NFATC2: variants seen among roughly 807,000 people sequenced by gnomAD.
NFATC2 encodes the protein nuclear factor of activated T-cells, cytoplasmic 2.
A neutral mutation model predicts 87.3 loss-of-function variants in NFATC2; 22 were observed. That is an observed-to-expected ratio of 0.25 (90% CI 0.18 to 0.36). NFATC2 has a LOEUF of 0.36. Among genes scored for constraint, NFATC2 ranks in the 10% least tolerant of loss-of-function variants. The pLI, the probability that NFATC2 is intolerant of heterozygous loss-of-function variation, is 1.00. For synonymous variants in NFATC2, 565 were observed against 542.2 expected, an observed-to-expected ratio of 1.04 and a Z score of -0.58; for missense variants, 1,149 against 1,259.1, an observed-to-expected ratio of 0.91 and a Z score of 1.32.
At chr20:51,494,296 G>A (rs188932773) in intron 3 of NFATC2, among the ~76,000 whole-genome samples, 166 of 152,190 alleles carry the variant, frequency 1.1e-3, no homozygotes, top group Non-Finnish European at 1.9e-3. Flanking sequence ...GGCACAGGGC[G>A]GGTGCCACTG....
At chr20:51,561,476 A>AAAGC (rs1481300834) in intron 1 of NFATC2, among the ~76,000 whole-genome samples, 1 of 132,030 alleles carries the variant, frequency 7.6e-6, no homozygotes, top group Admixed American at 7.9e-5. Context: ...AGAAAGAAAG[A>AAAGC]AAGAAAGAAA....
At chr20:51,528,289 A>G (rs1467434812) in intron 1 of NFATC2, among the ~76,000 whole-genome samples, 1 of 152,192 alleles carries the variant, frequency 6.6e-6, no homozygotes, top group Non-Finnish European at 1.5e-5. Flanking sequence ...GGCCTGAAGA[A>G]GTTCTTTATG....
At chr20:51,537,847 A>G (rs2076745367) in intron 1 of NFATC2, among the ~76,000 whole-genome samples, 1 of 152,246 alleles carries the variant, frequency 6.6e-6, no homozygotes, top group African/African-American at 2.4e-5. Flanking sequence ...AAAGAAAATT[A>G]AGAGTCTTCT....
chr20:51,503,140 G>A (rs7262767), intron 3 of NFATC2, among the ~76,000 whole-genome samples: 1,573 of 152,214 alleles, frequency 0.01, 19 homozygotes, highest in African/African-American at 0.036. Flanking sequence ...AATGGCACTG[G>A]GGCTTAGGAA....
chr20:51,443,634 C>T (rs1984661742), intron 6 of NFATC2, among the ~76,000 whole-genome samples: 1 of 152,136 alleles, frequency 6.6e-6, no homozygotes, highest in Non-Finnish European at 1.5e-5. Context: ...CCGTATAATC[C>T]ACCTCCCAAC....
intron 3 of NFATC2, among the ~76,000 whole-genome samples, chr20:51,504,917 G>A (rs1044449171): frequency 2.7e-5 from 4 of 150,882 alleles, no homozygotes; most frequent in East Asian, 1.9e-4. Context: ...GTGTGCAGGC[G>A]CAGGGGAAAA....
chr20:51,401,461 C>A (rs1330447572), intron 9 of NFATC2, among the ~76,000 whole-genome samples: 1 of 152,190 alleles, frequency 6.6e-6, no homozygotes, highest in Non-Finnish European at 1.5e-5. Flanking sequence ...GAGGCCATTC[C>A]AATAACCAAG....
chr20:51,425,643 G>A (rs982776813), intron 9 of NFATC2, among the ~76,000 whole-genome samples: 6 of 152,248 alleles, frequency 3.9e-5, no homozygotes, highest in East Asian at 1.9e-4. Context: ...CAGGCTTGCC[G>A]TGGGCACTGA....
intron 10 of NFATC2, among the ~76,000 whole-genome samples, chr20:51,395,623 G>GC (rs1986958203): frequency 1.3e-5 from 1 of 77,286 alleles, no homozygotes. Context: ...CTAAAAGACT[G>GC]ATGGAGAATG....
intron 9 of NFATC2, among the ~76,000 whole-genome samples, chr20:51,427,211 T>C (rs1323766114): frequency 2.0e-5 from 3 of 152,100 alleles, no homozygotes; most frequent in Non-Finnish European, 2.9e-5. Flanking sequence ...GGTGGTGAGA[T>C]GGCCCGATGA....
chr20:51,480,555 G>A lies in NFATC2; in HGVS notation c.1333-4895C>T, dbSNP rs187451317. The stretch of plus-strand genomic sequence containing the variant: ...TGGCACTGGTGAGGGTCCCTTCCCC[G>A]CCTCCCCGGGTAACACCAGAAAGCA... On this transcript the variant is annotated intron_variant, in intron 3 of 10. Coordinates refer to ENST00000371564, the MANE Select transcript of NFATC2 (RefSeq NM_012340.5). The surrounding 1 kb of genome is among the most constrained non-coding windows in gnomAD (Gnocchi z 4.2). Among the ~76,000 whole-genome samples the A allele has an allele frequency of 7.8e-4, 118 of 152,224 alleles. No homozygotes were observed. The highest frequency in any genetic ancestry group is 5.7e-4 in the Non-Finnish European group (39 of 68,006).
chr20:51,437,289 A>T (rs1983728113), intron 6 of NFATC2, among the ~76,000 whole-genome samples: 1 of 152,176 alleles, frequency 6.6e-6, no homozygotes, highest in Non-Finnish European at 1.5e-5. Flanking sequence ...AGGGGGAAAA[A>T]TCTACATGCT....
chr20:51,523,223 C>T lies in NFATC2; in HGVS notation c.1018G>A (p.Gly340Ser), dbSNP rs771568654. Reference protein sequence around the residue: ...SPVSAAPSKAGLPRHIYPAVE... With the variant: ...SPVSAAPSKASLPRHIYPAVE... ...GCCGGGTAGATGTGGCGAGGCAGGC[C>T]GGCCTTGGATGGGGCGGCAGACACC... The change falls in exon 2 of 11, where the codon GGC (glycine) becomes AGC (serine). Residue 340 changes from glycine (G) to serine (S), a missense_variant. This residue lies in a region of NFATC2 where 563 missense variants were observed against 585.2 expected (regional missense o/e 0.96). Coordinates refer to ENST00000371564, the MANE Select transcript of NFATC2 (RefSeq NM_012340.5). This position sits in a 1 kb window ranked among gnomAD's most constrained non-coding sequence, Gnocchi z 6.9. The T allele has an allele frequency of 2.5e-6, 4 of 1,613,672 alleles. No homozygotes were observed. The highest frequency in any genetic ancestry group is 2.7e-5 in the African/African-American group (2 of 74,920).
At chr20:51,562,690 A>G, upstream of NFATC2, 1 of 1,470,494 alleles carries the variant, frequency 6.8e-7, no homozygotes, top group South Asian at 1.2e-5. The surrounding 1 kb of genome is among the most constrained non-coding windows in gnomAD (Gnocchi z 5.8). Context: ...ATCGACCAGC[A>G]GCCGAGGGGA....
chr20:51,449,196 C>T (rs1985463649), intron 6 of NFATC2, among the ~76,000 whole-genome samples: 1 of 152,166 alleles, frequency 6.6e-6, no homozygotes, highest in South Asian at 2.1e-4. Context: ...CCGCAGAGCC[C>T]TTGCTGGCCA....
At chr20:51,450,437 TTCACTATGTTGAAC>T (rs1334921208) in intron 6 of NFATC2, among the ~76,000 whole-genome samples, 2 of 151,856 alleles carry the variant, frequency 1.3e-5, no homozygotes, top group African/African-American at 4.8e-5. Context: ...GTCACTGGAG[TTCACTATGTTGAAC>T]TCACTATGTT....
rs77972526 is a variant in NFATC2, at chr20:51,438,429, T to C, written c.1850-2668A>G. Among the ~76,000 whole-genome samples, 420 of 136,866 alleles carry C rather than the reference T, an allele frequency of 3.1e-3. 3 individuals are homozygous for C. The highest frequency in any genetic ancestry group is 0.011 in the African/African-American group (401 of 35,806). 89.8% of individuals were successfully genotyped at this position (136,866 alleles called of 152,430 possible). A position where few individuals can be genotyped will look rare whatever the true frequency, so the allele number is the denominator to read the frequency against. On this transcript the variant is annotated intron_variant, in intron 6 of 10. Transcript: ENST00000371564. ...ACAGCATCATTTCTTTTTCCACTTA[T>C]ATGAGCTTGCTTTGAAAAAAAAAAA...
rs137943373 is a variant in NFATC2, at chr20:51,475,648, T to C, written c.1345A>G (p.Met449Val). The C allele has an allele frequency of 2.5e-4, 404 of 1,614,086 alleles. No individual in the cohort carries two copies. The highest frequency in any genetic ancestry group is 3.1e-4 in the Non-Finnish European group (365 of 1,179,990). Reference protein sequence around the residue: ...GHPVVQLHGYMENKPLGLQIF... With the variant: ...GHPVVQLHGYVENKPLGLQIF... ...TGAAGTCCCAGAGGCTTGTTTTCCA[T>C]GTAGCCATGGAGCTGGTGGGGGAGA... The change falls in exon 4 of 11, where the codon ATG (methionine) becomes GTG (valine). Residue 449 changes from methionine to valine, a missense_variant. By Grantham distance (21) the Met-to-Val change is conservative. Transcript: ENST00000371564.
At chr20:51,411,516 CTTTTTTTTTTT>C (rs67935951) in intron 9 of NFATC2, among the ~76,000 whole-genome samples, 37 of 87,250 alleles carry the variant, frequency 4.2e-4, no homozygotes, top group East Asian at 7.9e-4. Context: ...ATGCAATTGT[CTTTTTTTTTTT>C]TTTTTTTTTT....
Sources: allele counts gnomAD v4.1 joint callset (sites outside exome capture counted in the v4.1 genomes callset), GRCh38; gene constraint gnomAD v4.1.1; regional missense constraint gnomAD v4.1.1; non-coding constraint Gnocchi (gnomAD v3.1); transcripts MANE v1.5; gene names NCBI Gene and HGNC (gene_info 2026-07-23, HGNC 2026-07-21).